PRKDC: variants seen among roughly 807,000 people sequenced by gnomAD.
The protein encoded by PRKDC is DNA-dependent protein kinase catalytic subunit.
In PRKDC, 82 loss-of-function variants were observed where a neutral mutation model predicts 486.9. The observed-to-expected ratio is 0.17, with a 90% CI of 0.14 to 0.20. The LOEUF is 0.20. Ranked by LOEUF, PRKDC falls within the 10% of genes least tolerant of loss-of-function variation. The probability of loss-of-function intolerance (pLI) is 1.00; values close to 1 mark genes in which losing one functional copy is unlikely to be tolerated. For synonymous variants in PRKDC, 1,895 were observed against 1,837.0 expected (o/e 1.03, Z -0.81); for missense variants, 4,504 against 5,038.2 (o/e 0.89, Z 3.21).
At position 47,834,347 on chromosome 8, in the gene PRKDC, C is replaced by T. The variant is rs747647057; in HGVS notation, c.8001G>A (p.Leu2667=). The change falls in exon 59 of 86, where the codon CTG becomes CTA. Residue 2667 remains leucine (L), a synonymous_variant. Coordinates refer to ENST00000314191, the MANE Select transcript of PRKDC (RefSeq NM_006904.7). ...DWLTGSSTDP[L]VDHTSPSSDS... is the part of the protein sequence containing the mutation. The stretch of plus-strand genomic sequence containing the variant: ...CAGATGAGGGACTGGTGTGGTCGAC[C>T]AGCGGGTCAGTGCTGCTCCCGGTCA... 24 of 1,613,926 alleles carry T rather than the reference C, an allele frequency of 1.5e-5. No individual in the cohort carries two copies. In the South Asian group the frequency reaches 2.3e-4, roughly 16 times the overall value.
intron 59 of PRKDC, among the ~76,000 whole-genome samples, chr8:47,832,898 C>T (rs771482444): frequency 7.2e-5 from 11 of 152,230 alleles, no homozygotes; most frequent in Non-Finnish European, 1.2e-4. Flanking sequence ...CCGAGAGCAT[C>T]CACAGAGAAA....
chr8:47,941,811 C>G (rs377366882), intron 10 of PRKDC, among the ~76,000 whole-genome samples: 2 of 152,308 alleles, frequency 1.3e-5, no homozygotes, highest in South Asian at 2.1e-4. Flanking sequence ...AACTTTCTCA[C>G]GAGGTAGAGA....
intron 64 of PRKDC, among the ~76,000 whole-genome samples, chr8:47,822,278 G>A: frequency 6.8e-6 from 1 of 146,144 alleles, no homozygotes; most frequent in Non-Finnish European, 1.5e-5. Context: ...GGGTGACCCT[G>A]TTTTAAGAGA....
At chr8:47,787,777 G>C (rs1210182653) in intron 76 of PRKDC, among the ~76,000 whole-genome samples, 1 of 152,182 alleles carries the variant, frequency 6.6e-6, no homozygotes. Context: ...CAGTGTGCTG[G>C]GGGCAGGCTA....
rs777093169 is a variant in PRKDC, at chr8:47,913,921, C to T, written c.2761G>A (p.Ala921Thr). 1 of 1,608,494 alleles carries T rather than the reference C, an allele frequency of 6.2e-7. No homozygotes were observed. Among genetic ancestry groups the T allele is most frequent in the South Asian group, 1.1e-5 (1 of 89,894 alleles). The change falls in exon 24 of 86, where the codon GCC becomes ACC. Residue 921 changes from alanine (A) to threonine (T), a missense_variant. This residue lies in a region of PRKDC where 1,969 missense variants were observed against 2,068.9 expected (regional missense o/e 0.95). Transcript: ENST00000314191. The part of the protein sequence containing the change: ...LPRVTELALT[A>T]SDRQTKVAAC... Reference sequence around the variant, plus strand: ...AGTACTTTAGTTTGTCTGTCACTGGCTGTGAGCGCTAATTCTGTGACTCGA... The same window carrying T: ...AGTACTTTAGTTTGTCTGTCACTGGTTGTGAGCGCTAATTCTGTGACTCGA...
intron 11 of PRKDC, among the ~76,000 whole-genome samples, chr8:47,938,721 C>T (rs968343255): frequency 6.6e-6 from 1 of 151,928 alleles, no homozygotes; most frequent in South Asian, 2.1e-4. Flanking sequence ...GCTACCATGC[C>T]CGGCTAATTT....
intron 40 of PRKDC, among the ~76,000 whole-genome samples, chr8:47,865,074 G>C (rs1021310270): frequency 6.6e-6 from 1 of 152,180 alleles, no homozygotes; most frequent in Non-Finnish European, 1.5e-5. Context: ...CTAAAAAATA[G>C]ACACATTTCT....
intron 85 of PRKDC, among the ~76,000 whole-genome samples, chr8:47,775,443 C>A (rs1021605266): frequency 4.3e-5 from 6 of 141,170 alleles, no homozygotes; most frequent in Non-Finnish European, 6.0e-5. Context: ...GTGATCTCGG[C>A]TCACTGCAAC....
intron 70 of PRKDC, among the ~76,000 whole-genome samples, chr8:47,803,066 C>T (rs377549509): frequency 2.6e-5 from 4 of 152,218 alleles, no homozygotes; most frequent in East Asian, 3.9e-4. Context: ...GGATTACAGG[C>T]GTGAGCCACT....
chr8:47,820,088 C>T lies in PRKDC; in HGVS notation c.9337-578G>A, dbSNP rs563743308. Among the ~76,000 whole-genome samples the T allele has an allele frequency of 2.6e-5, 4 of 152,230 alleles. 1 individual carries two copies. In the South Asian group the frequency reaches 8.3e-4, roughly 32 times the overall value. On this transcript the variant is annotated intron_variant, in intron 66 of 85. Transcript: ENST00000314191. ...ACCCCTGCTCTTCTCTACAAAGCAA[C>T]CAAACTTCCATTCCGCTACCCCAAA... is the stretch of plus-strand genomic sequence containing the variant.
chr8:47,789,073 G>A (rs750154356), intron 75 of PRKDC, 24 bp from the exon 76 acceptor site: 4 of 1,611,030 alleles, frequency 2.5e-6, no homozygotes, highest in East Asian at 2.2e-5. Context: ...AAAAAAGTAA[G>A]AAAAAAATCA....
At chr8:47,950,272 CAAAA>C (rs200893278) in intron 7 of PRKDC, among the ~76,000 whole-genome samples, 1 of 76,786 alleles carries the variant, frequency 1.3e-5, no homozygotes, top group Non-Finnish European at 2.7e-5. Context: ...AACTCTGTCT[CAAAA>C]AAAAAAAAAA....
chr8:47,854,937 C>T (rs1287134275), intron 50 of PRKDC, among the ~76,000 whole-genome samples: 1 of 152,116 alleles, frequency 6.6e-6, no homozygotes, highest in African/African-American at 2.4e-5. Context: ...ACGCACAAAT[C>T]CTACCTACCT....
rs2086619633 is a variant in PRKDC, at chr8:47,776,951, C to T, written c.12075G>A (p.Gly4025=). The T allele has an allele frequency of 1.9e-6, 3 of 1,610,514 alleles. No individual in the cohort carries two copies. The highest frequency in any genetic ancestry group is 2.5e-6 in the Non-Finnish European group (3 of 1,179,212). Residue 4025 remains glycine, a synonymous_variant, in exon 85 of 86, where the codon GGG becomes GGA. Coordinates refer to ENST00000314191, the MANE Select transcript of PRKDC (RefSeq NM_006904.7). ...CAACATTTATTTCTTGAATCCATGACCCTCCTTTTTTCAGCATTTTCTGTT... is the reference window on the plus strand; with the variant it reads ...CAACATTTATTTCTTGAATCCATGATCCTCCTTTTTTCAGCATTTTCTGTT... ...NFEQKMLKKG[G]SWIQEINVAE... is the part of the protein sequence containing the mutation.
intron 46 of PRKDC, 104 bp downstream of exon 46, chr8:47,859,507 A>T: frequency 7.5e-7 from 1 of 1,324,828 alleles, no homozygotes; most frequent in Non-Finnish European, 1.0e-6. Flanking sequence ...GAGGGTTGTC[A>T]ATGGACAGAG....
chr8:47,881,451 G>C lies in PRKDC; in HGVS notation c.5032C>G (p.Leu1678Val). ...AGATCCAGCTTTGTGTCAGCAAGTAGACTAATATATGTTGTAAAGACTTCA... is the reference window on the plus strand; with the variant it reads ...AGATCCAGCTTTGTGTCAGCAAGTACACTAATATATGTTGTAAAGACTTCA... ...FPEVFTTYIS[L>V]LADTKLDLHL... is the part of the protein sequence containing the mutation. Residue 1678 changes from leucine (L) to valine (V), a missense_variant, in exon 38 of 86, where the codon CTA becomes GTA. Coordinates refer to ENST00000314191, the MANE Select transcript of PRKDC (RefSeq NM_006904.7). 6.4e-7 allele frequency: 1 copy of C among 1,571,422 alleles called. No homozygotes were observed. The highest frequency in any genetic ancestry group is 8.7e-7 in the Non-Finnish European group (1 of 1,144,204).
Position 47,782,311 on chromosome 8 carries a change from A to G in PRKDC, c.11397-57T>C. On this transcript the variant is annotated intron_variant, in intron 79 of 85. Transcript: ENST00000314191. This position sits in a 1 kb window ranked among gnomAD's most constrained non-coding sequence, Gnocchi z 4.9. ...ACCCAAACTGCTCTTTCTTCACTAG[A>G]AAAACAGTCCCGTGGACGCCAAGCA... The G allele has an allele frequency of 1.2e-6, 2 of 1,611,972 alleles. No homozygotes were observed. The highest frequency in any genetic ancestry group is 2.2e-5 in the East Asian group (1 of 44,874).
At chr8:47,776,221 T>C (rs1002664172) in intron 85 of PRKDC, among the ~76,000 whole-genome samples, 2 of 152,238 alleles carry the variant, frequency 1.3e-5, no homozygotes, top group Non-Finnish European at 2.9e-5. Flanking sequence ...AGGACCTAAC[T>C]TCATTCTTTT....
rs1176738999 is a variant in PRKDC at position 47,904,965 on chromosome 8, T to C, written c.2946A>G (p.Gln982=). The C allele has an allele frequency of 6.2e-7, 1 of 1,612,066 alleles. No individual in the cohort carries two copies. The highest frequency in any genetic ancestry group is 1.7e-5 in the Admixed American group (1 of 59,900). ...LACDVDQVTR[Q]LYEPLVMQLI... The stretch of plus-strand genomic sequence containing the variant: ...GCTGCATAACTAGTGGCTCATACAG[T>C]TGCCTTGTCACCTGAAGAAACAATA... Residue 982 remains glutamine, a synonymous_variant, in exon 26 of 86, where the codon CAA becomes CAG. Coordinates refer to ENST00000314191, the MANE Select transcript of PRKDC (RefSeq NM_006904.7).
Sources: gnomAD v4.1 joint callset for allele counts (sites outside exome capture counted in the v4.1 genomes callset) on GRCh38, gnomAD v4.1.1 for gene constraint, gnomAD v4.1.1 regional missense constraint, Gnocchi (gnomAD v3.1) non-coding constraint, MANE v1.5 for transcripts, NCBI Gene and HGNC (gene_info 2026-07-23, HGNC 2026-07-21) for gene names.